The following CLASP1 variants were observed in gnomAD, a reference collection of about 807,000 sequenced individuals.
CLASP1 encodes the protein CLIP-associating protein 1.
Under a neutral mutation model 192.3 loss-of-function variants are expected in CLASP1, and 38 were observed. The ratio of observed to expected loss-of-function variants is 0.20; its 90% CI spans 0.15 to 0.26. CLASP1 has a LOEUF of 0.26. CLASP1 is among the 10% of genes least tolerant of loss of function. CLASP1 has a pLI of 1.00. For synonymous variants in CLASP1, 691 were observed against 712.8 expected, an observed-to-expected ratio of 0.97 and a Z score of 0.49; for missense variants, 1,433 against 1,932.5, an observed-to-expected ratio of 0.74 and a Z score of 4.85.
At chr2:121,432,133 G>A (rs551114294) in intron 19 of CLASP1, among the ~76,000 whole-genome samples, 1 of 152,176 alleles carries the variant, frequency 6.6e-6, no homozygotes, top group Non-Finnish European at 1.5e-5. Context: ...ATTAATATAT[G>A]AGGCAGAGTC....
At chr2:121,628,719 C>T (rs971911935) in intron 1 of CLASP1, among the ~76,000 whole-genome samples, 7 of 150,910 alleles carry the variant, frequency 4.6e-5, no homozygotes, top group Non-Finnish European at 4.4e-5. Context: ...CAAATAAACA[C>T]TTTAATGCAC....
At chr2:121,383,771 C>T (rs183819895) in intron 32 of CLASP1, among the ~76,000 whole-genome samples, 67 of 151,620 alleles carry the variant, frequency 4.4e-4, no homozygotes, top group Non-Finnish European at 7.8e-4. Context: ...ACCGTAAAAT[C>T]ATATTGGGTA....
intron 19 of CLASP1, among the ~76,000 whole-genome samples, chr2:121,442,030 A>G (rs899328257): frequency 4.6e-5 from 7 of 152,234 alleles, no homozygotes; most frequent in Non-Finnish European, 1.5e-5. Flanking sequence ...ATCTTAATAA[A>G]CATGATTATT....
intron 6 of CLASP1, among the ~76,000 whole-genome samples, chr2:121,525,565 C>A (rs2094555692): frequency 6.6e-6 from 1 of 152,110 alleles, no homozygotes; most frequent in Non-Finnish European, 1.5e-5. Flanking sequence ...GGAGGCTGGT[C>A]TGGATAACAT....
intron 2 of CLASP1, among the ~76,000 whole-genome samples, chr2:121,546,687 T>G (rs1160711415): frequency 6.6e-6 from 1 of 151,694 alleles, no homozygotes; most frequent in Non-Finnish European, 1.5e-5. Context: ...CTTGGCAGAG[T>G]AGTTTCTCAG....
chr2:121,592,723 C>T (rs1004531055), intron 2 of CLASP1, among the ~76,000 whole-genome samples: 1 of 152,118 alleles, frequency 6.6e-6, no homozygotes, highest in Non-Finnish European at 1.5e-5. Context: ...ATGATCTCGG[C>T]TCACTGCAGG....
At chr2:121,611,107 G>A (rs1489243819) in intron 1 of CLASP1, among the ~76,000 whole-genome samples, 1 of 144,214 alleles carries the variant, frequency 6.9e-6, no homozygotes, top group African/African-American at 2.6e-5. Context: ...ACAGGAGAAA[G>A]AGGAACTGGA....
intron 1 of CLASP1, among the ~76,000 whole-genome samples, chr2:121,609,390 G>GA (rs2064891314): frequency 6.6e-6 from 1 of 152,184 alleles, no homozygotes; most frequent in Non-Finnish European, 1.5e-5. Flanking sequence ...TGCAAAGAAT[G>GA]AAAGAGACTG....
chr2:121,559,652 G>A lies in CLASP1; in HGVS notation c.196-29327C>T, dbSNP rs112232275. Reference sequence around the variant, plus strand: ...TAGAGACAGAAAAAAAAAATCCAAAGACAGCAAGTTGATTAGTTGGTTGCC... The same window carrying A: ...TAGAGACAGAAAAAAAAAATCCAAAAACAGCAAGTTGATTAGTTGGTTGCC... On this transcript the variant is annotated intron_variant, in intron 2 of 39. Transcript: ENST00000263710. Among the ~76,000 whole-genome samples, 965 of 152,136 alleles carry A rather than the reference G, an allele frequency of 6.3e-3. 12 individuals carry two copies. Among genetic ancestry groups the A allele is most frequent in the African/African-American group, 0.022 (921 of 41,498 alleles).
At chr2:121,618,606 T>C (rs908443924) in intron 1 of CLASP1, among the ~76,000 whole-genome samples, 3 of 152,248 alleles carry the variant, frequency 2.0e-5, no homozygotes, top group Non-Finnish European at 4.4e-5. Flanking sequence ...TATGTTTTAA[T>C]ACTGAGAAAG....
intron 2 of CLASP1, among the ~76,000 whole-genome samples, chr2:121,554,674 G>T (rs1025934298): frequency 6.6e-6 from 1 of 152,104 alleles, no homozygotes; most frequent in African/African-American, 2.4e-5. Context: ...TATAGGAAAT[G>T]TCCAGAAAGG....
At chr2:121,608,005 C>T (rs756386825) in intron 1 of CLASP1, among the ~76,000 whole-genome samples, 5 of 152,136 alleles carry the variant, frequency 3.3e-5, no homozygotes, top group African/African-American at 4.8e-5. Context: ...TAGCATTCAA[C>T]GGGACTTAGT....
At chr2:121,626,138 A>G (rs1447407870) in intron 1 of CLASP1, among the ~76,000 whole-genome samples, 1 of 151,950 alleles carries the variant, frequency 6.6e-6, no homozygotes, top group East Asian at 1.9e-4. Context: ...CTGATATGTC[A>G]TTTGATACAG....
At chr2:121,444,845 T>G in intron 19 of CLASP1, 1 of 743,654 alleles carries the variant, frequency 1.3e-6, no homozygotes, top group Non-Finnish European at 2.1e-6. Context: ...TGCAGGGACC[T>G]TGGTGAGGAC....
chr2:121,339,304 T>C (rs537753562), exon 40 of CLASP1: 1 of 152,344 alleles, frequency 6.6e-6, no homozygotes, highest in African/African-American at 2.4e-5. Flanking sequence ...TCTGTGGAAA[T>C]GATGTTAAGA....
At chr2:121,417,179 A>G (rs1459010482) in intron 23 of CLASP1, among the ~76,000 whole-genome samples, 1 of 152,212 alleles carries the variant, frequency 6.6e-6, no homozygotes, top group African/African-American at 2.4e-5. Context: ...AAAACAGACC[A>G]GATTCACTCA....
chr2:121,539,139 C>G (rs192858860), intron 2 of CLASP1, among the ~76,000 whole-genome samples: 2 of 152,268 alleles, frequency 1.3e-5, no homozygotes, highest in African/African-American at 2.4e-5. Flanking sequence ...CTAATAAACA[C>G]AAACATATAT....
intron 2 of CLASP1, among the ~76,000 whole-genome samples, chr2:121,535,260 G>A (rs1368937331): frequency 1.3e-5 from 2 of 152,020 alleles, no homozygotes; most frequent in Non-Finnish European, 2.9e-5. Flanking sequence ...CTCCAGCCTG[G>A]GTGACAGAGA....
chr2:121,607,237 G>T (rs1450511572), intron 1 of CLASP1, among the ~76,000 whole-genome samples: 2 of 152,084 alleles, frequency 1.3e-5, no homozygotes, highest in Admixed American at 1.3e-4. Context: ...TACTTAGGAG[G>T]CTGAGGCAGG....
Sources: gnomAD v4.1 joint callset for allele counts (sites outside exome capture counted in the v4.1 genomes callset) on GRCh38, gnomAD v4.1.1 for gene constraint, MANE v1.5 for transcripts, NCBI Gene and HGNC (gene_info 2026-07-23, HGNC 2026-07-21) for gene names.